LDLRAD3: variants seen among roughly 807,000 people sequenced by gnomAD.
LDLRAD3 encodes the protein low-density lipoprotein receptor class A domain-containing protein 3.
A neutral mutation model predicts 29.4 loss-of-function variants in LDLRAD3; 20 were observed. That is an observed-to-expected ratio of 0.68 (90% CI 0.48 to 0.99). The LOEUF is 0.99. Among genes scored for constraint, LDLRAD3 ranks in the 50% least tolerant of loss-of-function variants. The pLI is 0.00. For missense variants in LDLRAD3, 420 were observed against 454.3 expected, an observed-to-expected ratio of 0.92 and a Z score of 0.69; for synonymous variants, 157 against 192.7, an observed-to-expected ratio of 0.81 and a Z score of 1.53.
chr11:36,224,405 G>A (rs967298993), intron 4 of LDLRAD3, among the ~76,000 whole-genome samples: 1 of 152,068 alleles, frequency 6.6e-6, no homozygotes, highest in African/African-American at 2.4e-5. Flanking sequence ...AAATAAAGAA[G>A]TTATTTTAGT....
intron 3 of LDLRAD3, 78 bp from the exon 4 acceptor site, chr11:36,098,249 C>G (rs1358022334): frequency 1.9e-6 from 3 of 1,553,704 alleles, no homozygotes; most frequent in Non-Finnish European, 1.8e-6. Flanking sequence ...GGGACACACG[C>G]CAGGCTGGAA....
chr11:35,991,867 T>TTGTG (rs33941156), intron 1 of LDLRAD3, among the ~76,000 whole-genome samples: 2,235 of 82,722 alleles, frequency 0.027, 39 homozygotes, highest in South Asian at 0.091. Flanking sequence ...GAATGGTTGT[T>TTGTG]TGTGTGTGTG....
At chr11:35,973,254 C>G (rs1851437691) in intron 1 of LDLRAD3, among the ~76,000 whole-genome samples, 1 of 151,884 alleles carries the variant, frequency 6.6e-6, no homozygotes, top group East Asian at 1.9e-4. Context: ...ATTCCTTATT[C>G]TGTGTGTATG....
chr11:36,042,013 C>G (rs1565180596), intron 2 of LDLRAD3, among the ~76,000 whole-genome samples: 1 of 152,056 alleles, frequency 6.6e-6, no homozygotes, highest in Non-Finnish European at 1.5e-5. Context: ...TGTTCCTGAC[C>G]GTTTCTTGAA....
intron 4 of LDLRAD3, among the ~76,000 whole-genome samples, chr11:36,225,404 G>A (rs1268955868): frequency 6.6e-6 from 1 of 152,186 alleles, no homozygotes; most frequent in Admixed American, 6.5e-5. Context: ...GTAGCCAGGT[G>A]TGTCCTGCTG....
chr11:36,066,916 C>T (rs188396861), intron 2 of LDLRAD3, among the ~76,000 whole-genome samples: 1 of 152,320 alleles, frequency 6.6e-6, no homozygotes, highest in East Asian at 1.9e-4. Flanking sequence ...TGTCTGTTGG[C>T]TTCCAGGATA....
chr11:35,976,034 A>G (rs1851471203), intron 1 of LDLRAD3, among the ~76,000 whole-genome samples: 1 of 151,914 alleles, frequency 6.6e-6, no homozygotes, highest in African/African-American at 2.4e-5. Context: ...ATATCAGGTA[A>G]GAGGAGTTGG....
chr11:35,983,496 C>T (rs1851569076), intron 1 of LDLRAD3, among the ~76,000 whole-genome samples: 1 of 152,230 alleles, frequency 6.6e-6, no homozygotes. Context: ...AGTGCTCTCA[C>T]TGGCTGGCTT....
At chr11:36,067,450 A>G (rs2133240701) in intron 2 of LDLRAD3, among the ~76,000 whole-genome samples, 1 of 152,350 alleles carries the variant, frequency 6.6e-6, no homozygotes, top group East Asian at 1.9e-4. Context: ...ATTAACTATC[A>G]TAGCTAATAC....
At chr11:36,196,656 A>G (rs1202363264) in intron 4 of LDLRAD3, 1 of 152,154 alleles carries the variant, frequency 6.6e-6, no homozygotes, top group East Asian at 1.9e-4. Flanking sequence ...AACTTAAATC[A>G]GGTCTGTCTG....
intron 4 of LDLRAD3, among the ~76,000 whole-genome samples, chr11:36,198,075 A>G (rs893148130): frequency 1.3e-5 from 2 of 152,052 alleles, no homozygotes; most frequent in African/African-American, 4.8e-5. Context: ...CAAACAGAAG[A>G]TTGTAGTAAA....
rs376416646 is a variant in LDLRAD3 at position 36,139,507 on chromosome 11, G to C, written c.454+41046G>C. On this transcript the variant is annotated intron_variant, in intron 4 of 5. Transcript: ENST00000315571. ...AACAAGAGCCTCCTGGCTTGCTGTTGGTTGCCATGAATTGAGCACCTGATG... is the reference window on the plus strand; with the variant it reads ...AACAAGAGCCTCCTGGCTTGCTGTTCGTTGCCATGAATTGAGCACCTGATG... Among the ~76,000 whole-genome samples, 48 of 152,226 alleles carry C rather than the reference G, an allele frequency of 3.2e-4. No homozygotes were observed. In the Middle Eastern group the frequency reaches 0.01, roughly 32 times the overall value.
At chr11:35,945,614 T>C (rs1851047126) in intron 1 of LDLRAD3, among the ~76,000 whole-genome samples, 1 of 152,094 alleles carries the variant, frequency 6.6e-6, no homozygotes, top group African/African-American at 2.4e-5. Context: ...TTTCAGGGCG[T>C]CTACAGATAT....
At chr11:36,102,582 C>T (rs576761876) in intron 4 of LDLRAD3, among the ~76,000 whole-genome samples, 29 of 152,194 alleles carry the variant, frequency 1.9e-4, no homozygotes, top group Non-Finnish European at 2.2e-4. Flanking sequence ...GAACTGGGCA[C>T]GAGAATGGGG....
chr11:36,150,136 G>A (rs1854257099), intron 4 of LDLRAD3, among the ~76,000 whole-genome samples: 1 of 152,150 alleles, frequency 6.6e-6, no homozygotes. Context: ...GAAGAACAAT[G>A]TTGCCTCCTA....
intron 4 of LDLRAD3, among the ~76,000 whole-genome samples, chr11:36,119,841 C>T (rs1245174163): frequency 6.6e-6 from 1 of 152,124 alleles, no homozygotes; most frequent in Non-Finnish European, 1.5e-5. Flanking sequence ...TGATGAGGTC[C>T]AACTCATCTA....
chr11:35,986,069 G>T (rs1334368456), intron 1 of LDLRAD3, among the ~76,000 whole-genome samples: 2 of 148,624 alleles, frequency 1.3e-5, no homozygotes, highest in Non-Finnish European at 2.9e-5. Context: ...TGCTGCCGTT[G>T]TTCATGAGAG....
chr11:36,044,253 C>T (rs1158774272), intron 2 of LDLRAD3, among the ~76,000 whole-genome samples: 1 of 152,122 alleles, frequency 6.6e-6, no homozygotes, highest in Non-Finnish European at 1.5e-5. Context: ...ATGTTTTAAA[C>T]ATCTAGTAAG....
intron 4 of LDLRAD3, among the ~76,000 whole-genome samples, chr11:36,116,683 TAAAA>T (rs773886174): frequency 2.0e-5 from 3 of 151,036 alleles, no homozygotes; most frequent in African/African-American, 7.4e-5. Context: ...AAATAAAAAA[TAAAA>T]AAATAAAAAA....
Sources: gnomAD v4.1 joint callset for allele counts (sites outside exome capture counted in the v4.1 genomes callset) on GRCh38, gnomAD v4.1.1 for gene constraint, MANE v1.5 for transcripts, NCBI Gene and HGNC (gene_info 2026-07-23, HGNC 2026-07-21) for gene names.